NTRK2: variants seen among roughly 807,000 people sequenced by gnomAD.
NTRK2 encodes BDNF/NT-3 growth factors receptor.
A neutral mutation model predicts 94.5 loss-of-function variants in NTRK2; 13 were observed. The observed-to-expected ratio is 0.14, with a 90% CI of 0.09 to 0.22. The LOEUF (loss-of-function observed/expected upper bound fraction) is 0.22, where lower values mean the gene tolerates loss of function less well. Among genes scored for constraint, NTRK2 ranks in the 10% least tolerant of loss-of-function variants. The probability of loss-of-function intolerance (pLI) is 1.00; values close to 1 mark genes in which losing one functional copy is unlikely to be tolerated. For synonymous variants in NTRK2, 372 were observed against 407.4 expected, an observed-to-expected ratio of 0.91 and a Z score of 1.05; for missense variants, 639 against 1,071.2, an observed-to-expected ratio of 0.60 and a Z score of 5.63.
chr9:84,674,771 G>A (rs2058928477), intron 2 of NTRK2, among the ~76,000 whole-genome samples: 1 of 152,204 alleles, frequency 6.6e-6, no homozygotes, highest in Admixed American at 6.5e-5. Context: ...GCACAACTGT[G>A]TGGAGTCTTT....
At chr9:84,920,596 C>T (rs2077533621) in intron 14 of NTRK2, among the ~76,000 whole-genome samples, 1 of 152,210 alleles carries the variant, frequency 6.6e-6, no homozygotes, top group Non-Finnish European at 1.5e-5. Flanking sequence ...GACTCCACTA[C>T]AGCATGTTCT....
rs146932543 is a variant in NTRK2 at position 84,751,577 on chromosome 9, T to TCACA, written c.1297-392_1297-389dup. Reference sequence around the variant, plus strand: ...GCCTGAGCAACAAAGTGAGACTCCGTCACACACACACACACACACAGAAAA... The same window carrying TCACA: ...GCCTGAGCAACAAAGTGAGACTCCGTCACACACACACACACACACACACAGAAAA... On this transcript the variant is annotated intron_variant, in intron 11 of 18. Coordinates refer to ENST00000277120, the MANE Select transcript of NTRK2 (RefSeq NM_006180.6). Among the ~76,000 whole-genome samples, 1,014 of 149,388 alleles carry TCACA rather than the reference T, an allele frequency of 6.8e-3. 16 individuals carry two copies. Among genetic ancestry groups the TCACA allele is most frequent in the African/African-American group, 0.023 (960 of 40,982 alleles).
intron 14 of NTRK2, among the ~76,000 whole-genome samples, chr9:84,931,279 C>G (rs2078016752): frequency 6.6e-6 from 1 of 151,990 alleles, no homozygotes; most frequent in African/African-American, 2.4e-5. Flanking sequence ...TGGTGGCACA[C>G]ACCTGTAGTC....
intron 12 of NTRK2, among the ~76,000 whole-genome samples, chr9:84,768,518 C>T (rs1285650908): frequency 1.3e-5 from 2 of 152,164 alleles, no homozygotes; most frequent in African/African-American, 4.8e-5. Flanking sequence ...CCCTTGGTGG[C>T]AGGTACTGTA....
intron 14 of NTRK2, among the ~76,000 whole-genome samples, chr9:84,883,221 A>G (rs1210209759): frequency 6.6e-6 from 1 of 152,226 alleles, no homozygotes; most frequent in Non-Finnish European, 1.5e-5. Flanking sequence ...GTTCCAGGTT[A>G]GACCCATTGT....
intron 14 of NTRK2, chr9:84,873,505 C>A (rs201865415): frequency 9.4e-7 from 1 of 1,059,088 alleles, no homozygotes; most frequent in Non-Finnish European, 1.1e-6. Context: ...GTGCCACGGC[C>A]CCCCCATTGC....
intron 12 of NTRK2, among the ~76,000 whole-genome samples, chr9:84,761,704 A>G (rs2065582284): frequency 6.6e-6 from 1 of 152,180 alleles, no homozygotes; most frequent in Non-Finnish European, 1.5e-5. Context: ...CTGCATCTGG[A>G]GCCAACACTA....
chr9:84,813,670 C>T (rs199503357), intron 12 of NTRK2: 352 of 1,066,030 alleles, frequency 3.3e-4, no homozygotes, highest in Non-Finnish European at 3.7e-4. Context: ...ACCAATGTCT[C>T]CCCTCAACCC....
intron 6 of NTRK2, among the ~76,000 whole-genome samples, chr9:84,721,260 C>G (rs1177894399): frequency 3.3e-5 from 5 of 151,850 alleles, no homozygotes; most frequent in Admixed American, 1.3e-4. Flanking sequence ...ACTGCAAGCT[C>G]CGCCTCCCGG....
At chr9:85,016,290 T>C (rs1029503670) in intron 17 of NTRK2, among the ~76,000 whole-genome samples, 1 of 152,144 alleles carries the variant, frequency 6.6e-6, no homozygotes, top group East Asian at 1.9e-4. Context: ...TCCAGTCTCT[T>C]GGGTTGAGGA....
chr9:85,020,497 C>T (rs1263117750), intron 18 of NTRK2, 133 bp downstream of exon 18: 3 of 878,594 alleles, frequency 3.4e-6, no homozygotes, highest in Non-Finnish European at 5.6e-6. Flanking sequence ...GCAGCACTTC[C>T]CAAGTAGCCT....
intron 9 of NTRK2, among the ~76,000 whole-genome samples, chr9:84,731,020 C>T (rs556672370): frequency 5.5e-4 from 83 of 151,882 alleles, no homozygotes; most frequent in Middle Eastern, 3.4e-3. Flanking sequence ...TGGAAGTTTC[C>T]CGGCTTACAA....
intron 14 of NTRK2, among the ~76,000 whole-genome samples, chr9:84,887,268 G>C (rs1318287742): frequency 1.3e-5 from 2 of 152,164 alleles, no homozygotes; most frequent in Admixed American, 6.5e-5. Flanking sequence ...TGAATGTGTT[G>C]CTCCTTTTCT....
chr9:84,905,983 G>T lies in NTRK2; in HGVS notation c.1634-28179G>T, dbSNP rs74372044. 6.2e-3 allele frequency among the ~76,000 whole-genome samples: 942 copies of T among 152,332 alleles called. 44 individuals carry two copies. In the East Asian group the frequency reaches 0.11, roughly 17 times the overall value. On this transcript the variant is annotated intron_variant, in intron 14 of 18. Coordinates refer to ENST00000277120, the MANE Select transcript of NTRK2 (RefSeq NM_006180.6). ...TATAAAGAACATGAGTGGAAGCTCA[G>T]GCTTGGGGCAGCAGAATGTGAATTC...
At chr9:84,877,479 A>G (rs1384929761) in intron 14 of NTRK2, 8 of 1,066,020 alleles carry the variant, frequency 7.5e-6, no homozygotes, top group Non-Finnish European at 9.1e-6. Context: ...TGGGCACTAC[A>G]TCTGTGTATT....
At chr9:84,997,601 C>T (rs76731245) in intron 17 of NTRK2, among the ~76,000 whole-genome samples, 4,370 of 152,198 alleles carry the variant, frequency 0.029, 154 homozygotes, top group African/African-American at 0.075. Flanking sequence ...GTCAGCTCCC[C>T]TGGGGCAAGT....
chr9:84,690,788 G>T (rs1286649211), intron 2 of NTRK2, among the ~76,000 whole-genome samples: 2 of 151,990 alleles, frequency 1.3e-5, no homozygotes, highest in Non-Finnish European at 2.9e-5. Flanking sequence ...TTTTTAATGA[G>T]CATTCATTCT....
intron 11 of NTRK2, among the ~76,000 whole-genome samples, chr9:84,749,215 C>T (rs13285731): frequency 0.026 from 3,943 of 151,188 alleles, 74 homozygotes; most frequent in Admixed American, 0.046. Flanking sequence ...GCAACAGGAG[C>T]GAAACTCCGT....
intron 12 of NTRK2, 29 bp downstream of exon 12, chr9:84,752,114 T>C (rs1253354732): frequency 2.6e-6 from 4 of 1,549,830 alleles, no homozygotes; most frequent in Non-Finnish European, 2.7e-6. Context: ...ATTTAGCTTC[T>C]TATGTGGATC....
Sources: gnomAD v4.1 joint callset for allele counts (sites outside exome capture counted in the v4.1 genomes callset) on GRCh38, gnomAD v4.1.1 for gene constraint, MANE v1.5 for transcripts, NCBI Gene and HGNC (gene_info 2026-07-23, HGNC 2026-07-21) for gene names.